The following CCDC63 variants were observed in gnomAD, a reference collection of about 807,000 sequenced individuals.
CCDC63 encodes coiled-coil domain containing 63.
CCDC63 carries 54 observed loss-of-function variants against 63.6 expected under a neutral mutation model. That is an observed-to-expected ratio of 0.85 (90% confidence interval 0.68 to 1.07). CCDC63 has a LOEUF of 1.07. Among genes scored for constraint, CCDC63 ranks in the 50% least tolerant of loss-of-function variants. The pLI, the probability that CCDC63 is intolerant of heterozygous loss-of-function variation, is 0.00. For missense variants in CCDC63, 637 were observed against 689.6 expected, an observed-to-expected ratio of 0.92 and a Z score of 0.86; for synonymous variants, 253 against 266.1, an observed-to-expected ratio of 0.95 and a Z score of 0.48.
intron 3 of CCDC63, 86 bp downstream of exon 3, chr12:110,853,660 C>A (rs2070735451): frequency 1.3e-6 from 2 of 1,508,806 alleles, no homozygotes; most frequent in Non-Finnish European, 1.8e-6. Flanking sequence ...TGTTCTGTGA[C>A]CCCTGGGGCA....
At chr12:110,886,541 C>G (rs935739974) in intron 8 of CCDC63, among the ~76,000 whole-genome samples, 1 of 152,148 alleles carries the variant, frequency 6.6e-6, no homozygotes, top group Non-Finnish European at 1.5e-5. Flanking sequence ...AGAAATGGGT[C>G]AGGGGAGGGA....
intron 6 of CCDC63, among the ~76,000 whole-genome samples, chr12:110,880,806 A>G (rs1157366266): frequency 1.5e-4 from 3 of 19,640 alleles, no homozygotes; most frequent in Admixed American, 1.0e-3. Context: ...GGTGACAATG[A>G]TGATGGTGAT....
intron 8 of CCDC63, among the ~76,000 whole-genome samples, chr12:110,891,015 G>A (rs1002650265): frequency 5.3e-5 from 8 of 152,020 alleles, no homozygotes; most frequent in African/African-American, 1.9e-4. Context: ...CTGGGCTCAA[G>A]TGATCTGCCC....
intron 10 of CCDC63, among the ~76,000 whole-genome samples, chr12:110,902,413 G>T (rs2071499973): frequency 6.6e-6 from 1 of 152,070 alleles, no homozygotes; most frequent in African/African-American, 2.4e-5. Flanking sequence ...CAAATCCATT[G>T]CTGCCCCTGC....
intron 4 of CCDC63, among the ~76,000 whole-genome samples, chr12:110,867,529 G>A (rs2070982157): frequency 8.3e-6 from 1 of 119,902 alleles, no homozygotes; most frequent in African/African-American, 3.4e-5. Context: ...GCGGGGGGCT[G>A]ACCCCCCCAC....
At chr12:110,892,898 A>G (rs949425802) in intron 8 of CCDC63, among the ~76,000 whole-genome samples, 178 bp from the exon 9 acceptor site, 3 of 152,114 alleles carry the variant, frequency 2.0e-5, no homozygotes, top group Admixed American at 2.0e-4. Flanking sequence ...TTACTTAAGA[A>G]ACATCAGAAG....
chr12:110,890,139 A>C (rs761080678), intron 8 of CCDC63, among the ~76,000 whole-genome samples: 1 of 152,038 alleles, frequency 6.6e-6, no homozygotes, highest in Non-Finnish European at 1.5e-5. Flanking sequence ...CAAAAAATAC[A>C]AGACACAAAA....
intron 8 of CCDC63, among the ~76,000 whole-genome samples, chr12:110,891,481 T>C (rs1443066424): frequency 6.6e-6 from 1 of 151,224 alleles, no homozygotes; most frequent in Non-Finnish European, 1.5e-5. Flanking sequence ...TGAGACTCCG[T>C]GTCTACAGAA....
intron 4 of CCDC63, among the ~76,000 whole-genome samples, chr12:110,862,609 T>C (rs948088903): frequency 1.3e-5 from 2 of 152,180 alleles, no homozygotes; most frequent in Admixed American, 1.3e-4. Flanking sequence ...ATGCCACAGC[T>C]TCCCTTAACA....
intron 8 of CCDC63, among the ~76,000 whole-genome samples, chr12:110,886,006 A>G (rs1207275148): frequency 2.0e-5 from 3 of 152,224 alleles, no homozygotes; most frequent in Non-Finnish European, 4.4e-5. Context: ...GAAAACTATT[A>G]TAGATAATAA....
At chr12:110,905,980 ATATTATATTAT>A (rs2071566736) in intron 11 of CCDC63, among the ~76,000 whole-genome samples, 1 of 53,790 alleles carries the variant, frequency 1.9e-5, no homozygotes, top group Non-Finnish European at 3.1e-5. Context: ...TATAAAATAT[ATATTATATTAT>A]TATAATATAT....
intron 3 of CCDC63, among the ~76,000 whole-genome samples, chr12:110,855,625 A>G (rs2070760688): frequency 6.6e-6 from 1 of 152,288 alleles, no homozygotes; most frequent in Non-Finnish European, 1.5e-5. Context: ...CTTGTTGCCC[A>G]GGCTGGAGTG....
intron 4 of CCDC63, among the ~76,000 whole-genome samples, chr12:110,862,066 G>C (rs1483348710): frequency 6.6e-6 from 1 of 152,132 alleles, no homozygotes; most frequent in Non-Finnish European, 1.5e-5. Flanking sequence ...ACCCACCCCT[G>C]CTGTCTGGCA....
At position 110,898,987 on chromosome 12, in the gene CCDC63, G is replaced by T; in HGVS notation, c.1204G>T (p.Glu402Ter). 6.2e-7 allele frequency: 1 copy of T among 1,613,294 alleles called. No individual in the cohort carries two copies. Among genetic ancestry groups the T allele is most frequent in the Non-Finnish European group, 8.5e-7 (1 of 1,179,724 alleles). The part of the protein sequence containing the change: ...EADMYESKYG[E>*]VSKTLDLLKN... ...AGATATGTATGAGAGCAAGTACGGGGAGGTCAGCAAGACCTTGGATCTATT... is the reference window on the plus strand; with the variant it reads ...AGATATGTATGAGAGCAAGTACGGGTAGGTCAGCAAGACCTTGGATCTATT... Residue 402 changes from glutamate to a stop codon, truncating the protein, a stop_gained, in exon 10 of 12, where the codon GAG (glutamate) becomes TAG (stop). Coordinates refer to ENST00000308208, the MANE Select transcript of CCDC63 (RefSeq NM_152591.3). LOFTEE classifies it high-confidence loss of function.
At chr12:110,850,473 G>T (rs1331210251) in intron 1 of CCDC63, among the ~76,000 whole-genome samples, 1 of 152,212 alleles carries the variant, frequency 6.6e-6, no homozygotes, top group African/African-American at 2.4e-5. Context: ...TGGACGTGGT[G>T]GTTCACGCCT....
At chr12:110,888,783 T>C (rs2071316856) in intron 8 of CCDC63, among the ~76,000 whole-genome samples, 1 of 146,230 alleles carries the variant, frequency 6.8e-6, no homozygotes, top group Non-Finnish European at 1.5e-5. Context: ...TTTTTGGTCC[T>C]TCTTTCCTTC....
intron 4 of CCDC63, among the ~76,000 whole-genome samples, chr12:110,864,897 T>G (rs2070921157): frequency 6.6e-6 from 1 of 152,116 alleles, no homozygotes; most frequent in Admixed American, 6.6e-5. Context: ...CAGCTCAATT[T>G]TGCTGTCAGC....
chr12:110,859,008 C>T (rs2070816364), intron 4 of CCDC63, among the ~76,000 whole-genome samples: 1 of 152,176 alleles, frequency 6.6e-6, no homozygotes, highest in African/African-American at 2.4e-5. Flanking sequence ...CCAGTGCCAC[C>T]TGCTGCACCG....
Position 110,881,126 on chromosome 12 carries a change from T to C in CCDC63, c.683T>C (p.Met228Thr). 1.2e-6 allele frequency: 2 copies of C among 1,610,416 alleles called. No homozygotes were observed. Among genetic ancestry groups the C allele is most frequent in the Admixed American group, 1.7e-5 (1 of 59,866 alleles). ...CTCCCTTTGCCCAGGGTGGAGGCCA[T>C]GGCTCGAATGGCTGCCATGAAAGAC... ...SQAYEQRVEA[M>T]ARMAAMKDRQ... Residue 228 changes from methionine (M) to threonine (T), a missense_variant, in exon 7 of 12, where the codon ATG (methionine) becomes ACG (threonine). Coordinates refer to ENST00000308208, the MANE Select transcript of CCDC63 (RefSeq NM_152591.3).
Sources: allele counts gnomAD v4.1 joint callset (sites outside exome capture counted in the v4.1 genomes callset), GRCh38; gene constraint gnomAD v4.1.1; transcripts MANE v1.5; gene names NCBI Gene and HGNC (gene_info 2026-07-23, HGNC 2026-07-21).